IL17C: variants seen among roughly 807,000 people sequenced by gnomAD.
The protein encoded by IL17C is interleukin-17C.
IL17C carries 13 observed loss-of-function variants against 11.0 expected under a neutral mutation model. The ratio of observed to expected loss-of-function variants is 1.18; its 90% CI spans 0.77 to 1.88. IL17C has a LOEUF of 1.88. IL17C is among the 40% of genes most tolerant of loss of function. The probability of loss-of-function intolerance (pLI) is 0.00; values close to 1 mark genes in which losing one functional copy is unlikely to be tolerated. For missense variants in IL17C, 357 were observed against 278.2 expected (o/e 1.28, Z -2.01); for synonymous variants, 150 against 125.8 (o/e 1.19, Z -1.29).
In IL17C at chr16:88,639,810, G is replaced by A. The variant is rs768943905; in HGVS notation, c.336-4G>A. 142 of 1,547,470 alleles carry A rather than the reference G, an allele frequency of 9.2e-5. 1 individual carries two copies. The highest frequency in any genetic ancestry group is 4.2e-4 in the African/African-American group (31 of 73,548). ...AGAGACTCACTGTGCACCCCGTCCC[G>A]CAGTGTGGACACGGATGAGGACCGC... On this transcript the variant is annotated splice_region_variant and splice_polypyrimidine_tract_variant and intron_variant, in intron 2 of 2. Transcript: ENST00000244241. This position sits in a 1 kb window ranked among gnomAD's most constrained non-coding sequence, Gnocchi z 5.1.
chr16:88,638,804 G>A, intron 1 of IL17C, 157 bp downstream of exon 1: 2 of 1,260,530 alleles, frequency 1.6e-6, no homozygotes, highest in East Asian at 2.4e-5. Context: ...GATCCTCGGA[G>A]CGCTGGCATG....
chr16:88,639,250 G>T lies in IL17C; in HGVS notation c.276G>T (p.Arg92=). The change falls in exon 2 of 3, where the codon CGG becomes CGT. Residue 92 remains arginine (R), a synonymous_variant. Transcript: ENST00000244241. This position sits in a 1 kb window ranked among gnomAD's most constrained non-coding sequence, Gnocchi z 5.1. ...PSATTQCPVL[R]PEEVLEADTH... ...CTACGACCCAGTGCCCGGTGCTGCG[G>T]CCGGAGGAGGTGTTGGAGGCAGACA... 6.2e-7 allele frequency: 1 copy of T among 1,612,138 alleles called. No homozygotes were observed. Among genetic ancestry groups the T allele is most frequent in the Non-Finnish European group, 8.5e-7 (1 of 1,179,666 alleles).
rs1402622418 is a variant in IL17C at position 88,639,117 on chromosome 16, C to T, written c.143C>T (p.Pro48Leu). The change falls in exon 2 of 3, where the codon CCC becomes CTC. Residue 48 changes from proline to leucine, a missense_variant. Transcript: ENST00000244241. This position sits in a 1 kb window ranked among gnomAD's most constrained non-coding sequence, Gnocchi z 5.1. ...SAEELPLGQA[P>L]PHLLARGAKW... ...GAGGAACTGCCCCTCGGCCAGGCCC[C>T]CCCACACCTGCTGGCTCGAGGTGCC... The T allele has an allele frequency of 2.0e-5, 33 of 1,613,078 alleles. No individual in the cohort carries two copies. The highest frequency in any genetic ancestry group is 2.7e-5 in the Non-Finnish European group (32 of 1,179,964).
rs1236894210 is a variant in IL17C, at chr16:88,639,815, G to T, written c.337G>T (p.Val113Leu). 1 of 1,555,772 alleles carries T rather than the reference G, an allele frequency of 6.4e-7. No homozygotes were observed. The highest frequency in any genetic ancestry group is 8.7e-7 in the Non-Finnish European group (1 of 1,149,538). Residue 113 changes from valine to leucine, a missense_variant and splice_region_variant, in exon 3 of 3, where the codon GTG (valine) becomes TTG (leucine). Transcript: ENST00000244241. This position sits in a 1 kb window ranked among gnomAD's most constrained non-coding sequence, Gnocchi z 5.1. ...QRSISPWRYR[V>L]DTDEDRYPQK... ...CTCACTGTGCACCCCGTCCCGCAGT[G>T]TGGACACGGATGAGGACCGCTATCC...
At position 88,639,334 on chromosome 16, in the gene IL17C, G is replaced by A; in HGVS notation, c.335+25G>A. 2 of 1,534,678 alleles carry A rather than the reference G, an allele frequency of 1.3e-6. No individual in the cohort carries two copies. The highest frequency in any genetic ancestry group is 1.8e-6 in the Non-Finnish European group (2 of 1,140,372). On this transcript the variant is annotated intron_variant, in intron 2 of 2. Transcript: ENST00000244241. The surrounding 1 kb of genome is among the most constrained non-coding windows in gnomAD (Gnocchi z 5.1). Reference sequence around the variant, plus strand: ...GGTGAGGACCTGGGGATTCCGCTGTGGCGTGGGGCTGCCCCTCCCCTGGCG... The same window carrying A: ...GGTGAGGACCTGGGGATTCCGCTGTAGCGTGGGGCTGCCCCTCCCCTGGCG...
chr16:88,638,810 G>T, intron 1 of IL17C, 163 bp downstream of exon 1: 10 of 1,240,096 alleles, frequency 8.1e-6, no homozygotes, highest in Non-Finnish European at 1.2e-5. Context: ...CGGAGCGCTG[G>T]CATGCTGGGT....
In IL17C at chr16:88,640,110, G is replaced by A; in HGVS notation, c.*38G>A. On this transcript the variant is annotated 3_prime_UTR_variant, in exon 3 of 3. Transcript: ENST00000244241. ...TGGGGCCCCTAGACTGGACACGTGTGCTCCCCAGAGGGCACCCCCTATTTA... is the reference window on the plus strand; with the variant it reads ...TGGGGCCCCTAGACTGGACACGTGTACTCCCCAGAGGGCACCCCCTATTTA... 6.6e-7 allele frequency: 1 copy of A among 1,514,954 alleles called. No homozygotes were observed. The highest frequency in any genetic ancestry group is 8.8e-7 in the Non-Finnish European group (1 of 1,132,160). 93.8% of individuals were successfully genotyped at this position (1,514,954 alleles called of 1,614,324 possible).
Position 88,639,578 on chromosome 16 carries a change from G to T in IL17C, c.336-236G>T, listed in dbSNP as rs940835176. On this transcript the variant is annotated intron_variant, in intron 2 of 2. Transcript: ENST00000244241. The surrounding 1 kb of genome is among the most constrained non-coding windows in gnomAD (Gnocchi z 5.1). ...AGCTCCTGCAGAAGTGGGGCTGGGT[G>T]ATGAAGTGGAAGGGAGGCTCCTAGA... 6.6e-6 allele frequency among the ~76,000 whole-genome samples: 1 copy of T among 152,170 alleles called. No homozygotes were observed. Among genetic ancestry groups the T allele is most frequent in the Non-Finnish European group, 1.5e-5 (1 of 68,012 alleles).
In IL17C at chr16:88,639,205, G is replaced by A. The variant is rs1460492321; in HGVS notation, c.231G>A (p.Gly77=). The A allele has an allele frequency of 5.0e-6, 8 of 1,612,654 alleles. No individual in the cohort carries two copies. Among genetic ancestry groups the A allele is most frequent in the Non-Finnish European group, 6.8e-6 (8 of 1,179,888 alleles). Residue 77 remains glycine, a synonymous_variant, in exon 2 of 3, where the codon GGG becomes GGA. Transcript: ENST00000244241. This position sits in a 1 kb window ranked among gnomAD's most constrained non-coding sequence, Gnocchi z 5.1. ...GCCTGGAGGCAGCAAGCCACAGGGGGAGGCACGAGAGGCCCTCAGCTACGA... is the reference window on the plus strand; with the variant it reads ...GCCTGGAGGCAGCAAGCCACAGGGGAAGGCACGAGAGGCCCTCAGCTACGA... ...VSSLEAASHR[G]RHERPSATTQ... is the part of the protein sequence containing the mutation.
Position 88,639,015 on chromosome 16 carries a change from A to T in IL17C, c.41A>T (p.His14Leu). 5 of 1,597,404 alleles carry T rather than the reference A, an allele frequency of 3.1e-6. No homozygotes were observed. The highest frequency in any genetic ancestry group is 3.4e-6 in the Non-Finnish European group (4 of 1,170,420). The change falls in exon 2 of 3, where the codon CAC (histidine) becomes CTC (leucine). Residue 14 changes from histidine (H) to leucine (L), a missense_variant. By Grantham distance (99) the His-to-Leu change is moderately conservative. Coordinates refer to ENST00000244241, the MANE Select transcript of IL17C (RefSeq NM_013278.4). The surrounding 1 kb of genome is among the most constrained non-coding windows in gnomAD (Gnocchi z 5.1). ...GGCCTCCTGTTTCTGACCTGGCTGC[A>T]CACATGCCTGGCCCACCATGACCCC... ...LPGLLFLTWL[H>L]TCLAHHDPSL...
At position 88,640,171 on chromosome 16, in the gene IL17C, A is replaced by G. The variant is rs532111743; in HGVS notation, c.*99A>G. 1.5e-6 allele frequency: 2 copies of G among 1,320,892 alleles called. No individual in the cohort carries two copies. The highest frequency in any genetic ancestry group is 2.4e-5 in the East Asian group (1 of 41,402). 81.8% of individuals were successfully genotyped at this position (1,320,892 alleles called of 1,614,324 possible). A position where few individuals can be genotyped will look rare whatever the true frequency, so the allele number is the denominator to read the frequency against. ...TTGTTATTTATATGCCTCCCCCAAC[A>G]CTACCCTTGGGGTCTGGGCATTCCC... On this transcript the variant is annotated 3_prime_UTR_variant, in exon 3 of 3. Transcript: ENST00000244241.
At position 88,639,888 on chromosome 16, in the gene IL17C, C is replaced by G. The variant is rs1347671835; in HGVS notation, c.410C>G (p.Ala137Gly). 1.9e-6 allele frequency: 3 copies of G among 1,607,860 alleles called. No individual in the cohort carries two copies. In the Admixed American group the frequency reaches 5.0e-5, roughly 27 times the overall value. ...TGCCTGTGCAGAGGCTGTATCGATG[C>G]ACGGACGGGCCGCGAGACAGCTGCG... ...AECLCRGCID[A>G]RTGRETAALN... Residue 137 changes from alanine to glycine, a missense_variant, in exon 3 of 3, where the codon GCA becomes GGA. Physicochemically the swap from Ala to Gly is moderately conservative, Grantham distance 60 (BLOSUM62 0). Transcript: ENST00000244241. This position sits in a 1 kb window ranked among gnomAD's most constrained non-coding sequence, Gnocchi z 5.1.
At position 88,640,366 on chromosome 16, in the gene IL17C, G is replaced by T; in HGVS notation, c.*294G>T. 1 of 386,328 alleles carries T rather than the reference G, an allele frequency of 2.6e-6. No individual in the cohort carries two copies. The highest frequency in any genetic ancestry group is 4.6e-6 in the Non-Finnish European group (1 of 215,142). 23.9% of individuals were successfully genotyped at this position (386,328 alleles called of 1,614,324 possible). ...CCCGGCTTCCCTTACCCTATCACTG[G>T]CCTCAGGCCCCCGCAGGCTGCCTCT... On this transcript the variant is annotated 3_prime_UTR_variant, in exon 3 of 3. Transcript: ENST00000244241.
rs2254073 is a variant in IL17C, at chr16:88,639,396, T to C, written c.335+87T>C. 0.72 allele frequency: 958,287 copies of C among 1,329,458 alleles called. 347,090 individuals are homozygous for C. The highest frequency in any genetic ancestry group is 0.83 in the East Asian group (32,726 of 39,200). The allele number at this position is 1,329,458 out of a possible 1,614,324, so 82.4% of individuals were successfully genotyped here. ...GCCCGGAGAGCTCTCTGGGCCTTGG[T>C]GGTTCTCACCTGTCAAGTGGGCGTG... is the stretch of plus-strand genomic sequence containing the variant. On this transcript the variant is annotated intron_variant, in intron 2 of 2. Transcript: ENST00000244241. This position sits in a 1 kb window ranked among gnomAD's most constrained non-coding sequence, Gnocchi z 5.1.
In IL17C at chr16:88,639,307, C is replaced by T; in HGVS notation, c.333C>T (p.Tyr111=). 2 of 1,588,156 alleles carry T rather than the reference C, an allele frequency of 1.3e-6. No homozygotes were observed. Among genetic ancestry groups the T allele is most frequent in the South Asian group, 2.3e-5 (2 of 87,836 alleles). The change falls in exon 2 of 3, where the codon TAC becomes TAT. Residue 111 remains tyrosine, a splice_region_variant and synonymous_variant. Transcript: ENST00000244241. This position sits in a 1 kb window ranked among gnomAD's most constrained non-coding sequence, Gnocchi z 5.1. ...AGCGCTCCATCTCACCCTGGAGATACCGGTGAGGACCTGGGGATTCCGCTG... is the reference window on the plus strand; with the variant it reads ...AGCGCTCCATCTCACCCTGGAGATATCGGTGAGGACCTGGGGATTCCGCTG... ...THQRSISPWR[Y]RVDTDEDRYP...
Position 88,640,302 on chromosome 16 carries a change from T to G in IL17C, c.*230T>G, listed in dbSNP as rs1421921441. On this transcript the variant is annotated 3_prime_UTR_variant, in exon 3 of 3. Coordinates refer to ENST00000244241, the MANE Select transcript of IL17C (RefSeq NM_013278.4). ...CCAGCCCTTAAAGCTGCAGAAAAGGTGTCACACGGCTGCCTGTACCTTGGC... is the reference window on the plus strand; with the variant it reads ...CCAGCCCTTAAAGCTGCAGAAAAGGGGTCACACGGCTGCCTGTACCTTGGC... 2.0e-6 allele frequency: 1 copy of G among 496,414 alleles called. No individual in the cohort carries two copies. Among genetic ancestry groups the G allele is most frequent in the Non-Finnish European group, 3.5e-6 (1 of 286,740 alleles). The allele number at this position is 496,414 out of a possible 1,614,324, so 30.8% of individuals were successfully genotyped here.
In IL17C at chr16:88,639,053, C is replaced by A. The variant is rs373456123; in HGVS notation, c.79C>A (p.His27Asn). The A allele has an allele frequency of 6.2e-7, 1 of 1,610,160 alleles. No individual in the cohort carries two copies. Among genetic ancestry groups the A allele is most frequent in the East Asian group, 2.2e-5 (1 of 44,828 alleles). ...CCACCATGACCCCTCCCTCAGGGGG[C>A]ACCCCCACAGTCACGGTACCCCACA... ...LAHHDPSLRG[H>N]PHSHGTPHCY... is the part of the protein sequence containing the mutation. Residue 27 changes from histidine to asparagine, a missense_variant, in exon 2 of 3, where the codon CAC (histidine) becomes AAC (asparagine). Transcript: ENST00000244241. This position sits in a 1 kb window ranked among gnomAD's most constrained non-coding sequence, Gnocchi z 5.1.
Position 88,639,481 on chromosome 16 carries a change from G to A in IL17C, c.335+172G>A, listed in dbSNP as rs901951201. On this transcript the variant is annotated intron_variant, in intron 2 of 2. Coordinates refer to ENST00000244241, the MANE Select transcript of IL17C (RefSeq NM_013278.4). This position sits in a 1 kb window ranked among gnomAD's most constrained non-coding sequence, Gnocchi z 5.1. ...CTGGACGGCTGAGCTGCTGCTTGCG[G>A]CTGGCCGTGCCCTGCCTCCCACTGT... Among the ~76,000 whole-genome samples the A allele has an allele frequency of 3.9e-5, 6 of 152,162 alleles. No individual in the cohort carries two copies. In the South Asian group the frequency reaches 6.2e-4, roughly 16 times the overall value.
intron 1 of IL17C, 95 bp downstream of exon 1, chr16:88,638,742 TG>T: frequency 6.3e-7 from 1 of 1,583,112 alleles, no homozygotes; most frequent in Non-Finnish European, 8.7e-7. Flanking sequence ...AGGAGGGTGT[TG>T]GGATGGGGTC....
Sources: gnomAD v4.1 joint callset for allele counts (sites outside exome capture counted in the v4.1 genomes callset) on GRCh38, gnomAD v4.1.1 for gene constraint, Gnocchi (gnomAD v3.1) non-coding constraint, MANE v1.5 for transcripts, NCBI Gene and HGNC (gene_info 2026-07-23, HGNC 2026-07-21) for gene names.